Variants in CDH13 observed in about 807,000 individuals in gnomAD.
CDH13 encodes the protein cadherin 13, also known as cadherin-13.
CDH13 carries 24 observed loss-of-function variants against 63.8 expected under a neutral mutation model. That is an observed-to-expected ratio of 0.38 (90% confidence interval 0.27 to 0.53). The LOEUF (loss-of-function observed/expected upper bound fraction) is 0.53, where lower values mean the gene tolerates loss of function less well. Among genes scored for constraint, CDH13 ranks in the 20% least tolerant of loss-of-function variants. CDH13 has a pLI of 0.85. For synonymous variants in CDH13, 503 were observed against 355.3 expected, an observed-to-expected ratio of 1.42 and a Z score of -4.67; for missense variants, 1,049 against 903.1, an observed-to-expected ratio of 1.16 and a Z score of -2.07.
chr16:83,250,429 AT>A (rs1464138355), intron 5 of CDH13, among the ~76,000 whole-genome samples: 1 of 152,158 alleles, frequency 6.6e-6, no homozygotes, highest in African/African-American at 2.4e-5. Context: ...TAAAACCAGA[AT>A]TTCGGGGCGT....
chr16:83,614,421 C>T lies in CDH13; in HGVS notation c.1101+11827C>T, dbSNP rs564322531. ...TCCCTTGTCTCTGCTGAAAGCTCTC[C>T]TTGGCCCTCTGGCCTCTTAGACAGC... is the stretch of plus-strand genomic sequence containing the variant. On this transcript the variant is annotated intron_variant, in intron 8 of 13. Transcript: ENST00000567109. Among the ~76,000 whole-genome samples, 116 of 152,352 alleles carry T rather than the reference C, an allele frequency of 7.6e-4. 1 individual carries two copies. Among genetic ancestry groups the T allele is most frequent in the Non-Finnish European group, 1.4e-3 (95 of 68,034 alleles).
chr16:83,760,545 G>A (rs552423942), intron 11 of CDH13, among the ~76,000 whole-genome samples: 51 of 152,320 alleles, frequency 3.3e-4, no homozygotes, highest in African/African-American at 1.2e-3. Context: ...CATCATGGGT[G>A]AATCTCACAA....
chr16:83,750,551 G>C (rs1300363772), intron 11 of CDH13, among the ~76,000 whole-genome samples: 1 of 152,158 alleles, frequency 6.6e-6, no homozygotes, highest in Non-Finnish European at 1.5e-5. Context: ...GGTTAGTTAA[G>C]GTGAGGTCAT....
chr16:83,695,694 T>C (rs1034200961), intron 10 of CDH13, among the ~76,000 whole-genome samples: 3 of 152,084 alleles, frequency 2.0e-5, no homozygotes, highest in Non-Finnish European at 4.4e-5. Context: ...GGATAAAACA[T>C]AATGAAATAG....
intron 10 of CDH13, among the ~76,000 whole-genome samples, chr16:83,718,064 G>GC (rs1567545797): frequency 1.3e-5 from 2 of 152,184 alleles, no homozygotes; most frequent in African/African-American, 4.8e-5. Flanking sequence ...ACTTTGGATT[G>GC]CCCCCGAAGC....
chr16:83,078,935 C>T (rs542185503), intron 3 of CDH13, among the ~76,000 whole-genome samples: 1 of 152,132 alleles, frequency 6.6e-6, no homozygotes, highest in African/African-American at 2.4e-5. Flanking sequence ...GCTGGGATTA[C>T]ACGTGTGCAC....
intron 1 of CDH13, among the ~76,000 whole-genome samples, chr16:82,835,615 A>C (rs1229807899): frequency 6.6e-6 from 1 of 152,178 alleles, no homozygotes; most frequent in Non-Finnish European, 1.5e-5. Flanking sequence ...CAGTAGGTGC[A>C]TACAGTCCTA....
chr16:82,831,923 A>G (rs1264800318), intron 1 of CDH13, among the ~76,000 whole-genome samples: 1 of 152,244 alleles, frequency 6.6e-6, no homozygotes, highest in Non-Finnish European at 1.5e-5. Flanking sequence ...GTGAAATTAC[A>G]TCAAGGATGA....
chr16:83,113,944 C>A (rs1225311300), intron 3 of CDH13, among the ~76,000 whole-genome samples: 8 of 152,058 alleles, frequency 5.3e-5, no homozygotes. Context: ...AGCCTATATA[C>A]CCTGTAGGCT....
At chr16:82,736,592 A>T (rs1403961316) in intron 1 of CDH13, among the ~76,000 whole-genome samples, 1 of 152,226 alleles carries the variant, frequency 6.6e-6, no homozygotes, top group Non-Finnish European at 1.5e-5. Context: ...ATACTTGTTA[A>T]GGTTCATTTT....
At chr16:83,604,887 C>G (rs9934524) in intron 8 of CDH13, among the ~76,000 whole-genome samples, 20,352 of 152,060 alleles carry the variant, frequency 0.13, 2,839 homozygotes, top group African/African-American at 0.35. Context: ...AAAAAGAAAT[C>G]TTTGCTCAGT....
chr16:83,145,120 C>T (rs1026638589), intron 4 of CDH13, among the ~76,000 whole-genome samples: 2 of 152,156 alleles, frequency 1.3e-5, no homozygotes, highest in African/African-American at 4.8e-5. Context: ...ATTTATTTGT[C>T]TACATGAAGG....
intron 6 of CDH13, among the ~76,000 whole-genome samples, chr16:83,423,541 TAAAAGTCTGAAATAA>T (rs1320537252): frequency 6.6e-6 from 1 of 152,042 alleles, no homozygotes; most frequent in African/African-American, 2.4e-5. Context: ...AGAATTTTTC[TAAAAGTCTGAAATAA>T]AAGTTTATAA....
chr16:82,856,385 AAAAAGAAAAG>A (rs67180729), intron 1 of CDH13, among the ~76,000 whole-genome samples: 25 of 95,268 alleles, frequency 2.6e-4, no homozygotes, highest in South Asian at 1.1e-3. Flanking sequence ...AAAAAAAAAA[AAAAAGAAAAG>A]AAAAGAAAAG....
At chr16:83,740,453 A>C (rs534432960) in intron 10 of CDH13, among the ~76,000 whole-genome samples, 1 of 152,268 alleles carries the variant, frequency 6.6e-6, no homozygotes, top group East Asian at 1.9e-4. Context: ...AAGTGGACCC[A>C]CACCACAGCT....
At chr16:83,720,854 A>G (rs938307192) in intron 10 of CDH13, among the ~76,000 whole-genome samples, 7 of 152,220 alleles carry the variant, frequency 4.6e-5, no homozygotes, top group African/African-American at 1.7e-4. Context: ...AGGTCCTGTC[A>G]TAATTTTCTC....
At chr16:83,311,615 G>A (rs1387293162) in intron 5 of CDH13, among the ~76,000 whole-genome samples, 1 of 152,190 alleles carries the variant, frequency 6.6e-6, no homozygotes, top group Non-Finnish European at 1.5e-5. Flanking sequence ...ACTGCATGCA[G>A]TTCATGCAGT....
At chr16:83,225,329 G>C (rs550542128) in intron 5 of CDH13, among the ~76,000 whole-genome samples, 1 of 152,134 alleles carries the variant, frequency 6.6e-6, no homozygotes, top group Non-Finnish European at 1.5e-5. Flanking sequence ...CTGGTGCTCC[G>C]GTGTGCCATT....
chr16:83,723,119 G>T lies in CDH13; in HGVS notation c.1539-24989G>T, dbSNP rs141138939. The stretch of plus-strand genomic sequence containing the variant: ...TCTGAAACTGGTTACCAGAAGCAAG[G>T]TGATCAATCTTCCTGCCTGTCTTAG... On this transcript the variant is annotated intron_variant, in intron 10 of 13. Coordinates refer to ENST00000567109, the MANE Select transcript of CDH13 (RefSeq NM_001257.5). Among the ~76,000 whole-genome samples the T allele has an allele frequency of 4.9e-3, 750 of 152,342 alleles. 17 individuals are homozygous for T. The highest frequency in any genetic ancestry group is 0.038 in the Admixed American group (583 of 15,308).
Sources: gnomAD v4.1 joint callset for allele counts (sites outside exome capture counted in the v4.1 genomes callset) on GRCh38, gnomAD v4.1.1 for gene constraint, MANE v1.5 for transcripts, NCBI Gene and HGNC (gene_info 2026-07-23, HGNC 2026-07-21) for gene names.